NFIA: variants seen among roughly 807,000 people sequenced by gnomAD.
NFIA encodes the protein nuclear factor 1 A-type.
A neutral mutation model predicts 62.8 loss-of-function variants in NFIA; 8 were observed. That is an observed-to-expected ratio of 0.13 (90% CI 0.07 to 0.23). NFIA has a LOEUF of 0.23. Ranked by LOEUF, NFIA falls within the 10% of genes least tolerant of loss-of-function variation. The pLI, the probability that NFIA is intolerant of heterozygous loss-of-function variation, is 1.00. For missense variants in NFIA, 410 were observed against 642.1 expected, an observed-to-expected ratio of 0.64 and a Z score of 3.91; for synonymous variants, 235 against 238.1, an observed-to-expected ratio of 0.99 and a Z score of 0.12.
rs71582639 is a variant in NFIA at position 61,358,379 on chromosome 1, C to CTTTCTTTTTTTTTTTTTTTT, written c.819-765_819-764insCTTTTTTTTTTTTTTTTTTT. On this transcript the variant is annotated intron_variant, in intron 5 of 10. Transcript: ENST00000403491. ...TCATTTTCTTTTCTTTTCTTTCTTT[C>CTTTCTTTTTTTTTTTTTTTT]TTTTTTTTTTTTTTTTTTTTTTTTT... Among the ~76,000 whole-genome samples the CTTTCTTTTTTTTTTTTTTTT allele has an allele frequency of 4.9e-4, 26 of 52,622 alleles. 1 individual carries two copies. Among genetic ancestry groups the CTTTCTTTTTTTTTTTTTTTT allele is most frequent in the East Asian group, 1.3e-3 (2 of 1,546 alleles). 34.5% of individuals were successfully genotyped at this position (52,622 alleles called of 152,430 possible). A position where few individuals can be genotyped will look rare whatever the true frequency, so the allele number is the denominator to read the frequency against.
chr1:61,259,059 G>A (rs76930900), intron 2 of NFIA, among the ~76,000 whole-genome samples: 2 of 152,164 alleles, frequency 1.3e-5, no homozygotes, highest in Non-Finnish European at 2.9e-5. Context: ...TACAAAATTT[G>A]CAAAGAATTG....
rs974420950 is a variant in NFIA, at chr1:61,304,741, T to G, written c.625+27156T>G. On this transcript the variant is annotated intron_variant, in intron 3 of 10. Coordinates refer to ENST00000403491, the MANE Select transcript of NFIA (RefSeq NM_001134673.4). ...AAATTTTGTTTATAGTACATACAAA[T>G]GCTCCCTGAGATACCCAGCTGTATG... Among the ~76,000 whole-genome samples the G allele has an allele frequency of 1.8e-4, 27 of 152,056 alleles. 1 individual carries two copies. Among genetic ancestry groups the G allele is most frequent in the Non-Finnish European group, 1.5e-5 (1 of 68,004 alleles).
intron 2 of NFIA, among the ~76,000 whole-genome samples, chr1:61,182,928 CT>C (rs1650853272): frequency 6.6e-6 from 1 of 152,210 alleles, no homozygotes; most frequent in African/African-American, 2.4e-5. Flanking sequence ...AGGCTTTGCC[CT>C]GACAGCTACA....
chr1:61,212,925 G>A (rs1443308387), intron 2 of NFIA, among the ~76,000 whole-genome samples: 2 of 152,198 alleles, frequency 1.3e-5, no homozygotes, highest in African/African-American at 4.8e-5. Flanking sequence ...TTCTGCTAAT[G>A]TTGCCTTCAC....
chr1:61,180,193 GC>G (rs751677492), intron 2 of NFIA, among the ~76,000 whole-genome samples: 4 of 151,794 alleles, frequency 2.6e-5, no homozygotes, highest in Admixed American at 1.3e-4. Context: ...ACCCCAGTTA[GC>G]CCCTGGCTTG....
In NFIA at chr1:61,331,488, A is replaced by G. The variant is rs375966535; in HGVS notation, c.626-1024A>G. ...ACAAATTTTGTTTATGGATTGTTAT[A>G]TATTCAGATTGGTCTATTTTCTTTT... On this transcript the variant is annotated intron_variant, in intron 3 of 10. Transcript: ENST00000403491. Among the ~76,000 whole-genome samples the G allele has an allele frequency of 3.8e-4, 58 of 152,306 alleles. 1 individual carries two copies. The East Asian group carries it at 5.6e-3, about 15-fold the overall frequency.
At chr1:61,148,860 C>G (rs1165568959) in intron 2 of NFIA, among the ~76,000 whole-genome samples, 1 of 151,968 alleles carries the variant, frequency 6.6e-6, no homozygotes, top group East Asian at 1.9e-4. Context: ...GAAATTGAAC[C>G]ATTCTCTTTC....
intron 2 of NFIA, among the ~76,000 whole-genome samples, chr1:61,230,513 C>A (rs1654608270): frequency 6.6e-6 from 1 of 152,148 alleles, no homozygotes; most frequent in Admixed American, 6.5e-5. Flanking sequence ...TCCTATCCTA[C>A]CCTATGTTTC....
intron 2 of NFIA, among the ~76,000 whole-genome samples, chr1:61,116,379 G>A (rs1157261231): frequency 6.6e-6 from 1 of 152,328 alleles, no homozygotes; most frequent in East Asian, 1.9e-4. Flanking sequence ...GGCATAGAAA[G>A]TTTAGATGAC....
chr1:61,365,001 A>G (rs1663508285), intron 6 of NFIA, among the ~76,000 whole-genome samples: 1 of 152,132 alleles, frequency 6.6e-6, no homozygotes, highest in African/African-American at 2.4e-5. Flanking sequence ...CCTAAGTAAC[A>G]TAGCAGGACC....
chr1:61,180,567 G>C (rs568884110), intron 2 of NFIA, among the ~76,000 whole-genome samples: 5 of 152,174 alleles, frequency 3.3e-5, no homozygotes, highest in African/African-American at 1.2e-4. Flanking sequence ...GGCTTAGCTG[G>C]AATATATTGA....
intron 2 of NFIA, among the ~76,000 whole-genome samples, chr1:61,108,595 C>CT (rs995508806): frequency 1.3e-5 from 2 of 151,620 alleles, no homozygotes; most frequent in African/African-American, 4.8e-5. Flanking sequence ...GCACTGAGAT[C>CT]TGCAACTCAG....
chr1:61,096,436 T>A (rs932506979), intron 2 of NFIA, among the ~76,000 whole-genome samples: 2 of 152,036 alleles, frequency 1.3e-5, no homozygotes, highest in Non-Finnish European at 2.9e-5. Flanking sequence ...ACTCCTGGCC[T>A]CAGGTGTTCC....
At chr1:61,149,829 T>G (rs1439529893) in intron 2 of NFIA, among the ~76,000 whole-genome samples, 2 of 152,174 alleles carry the variant, frequency 1.3e-5, no homozygotes, top group African/African-American at 4.8e-5. Context: ...TATTAGATCT[T>G]CAGTAAATGG....
chr1:61,256,162 T>C (rs1408293979), intron 2 of NFIA, among the ~76,000 whole-genome samples: 1 of 152,158 alleles, frequency 6.6e-6, no homozygotes, highest in African/African-American at 2.4e-5. Context: ...GCATGGTGGC[T>C]CACGCCTGTA....
At chr1:61,236,173 G>C (rs1046956365) in intron 2 of NFIA, among the ~76,000 whole-genome samples, 1 of 151,602 alleles carries the variant, frequency 6.6e-6, no homozygotes, top group African/African-American at 2.4e-5. Flanking sequence ...AAAAAAAAAG[G>C]TGGAAAGAGA....
intron 6 of NFIA, among the ~76,000 whole-genome samples, chr1:61,370,882 A>T (rs931250479): frequency 2.0e-5 from 3 of 152,166 alleles, no homozygotes; most frequent in African/African-American, 7.2e-5. Flanking sequence ...TAAAGTTTTC[A>T]TTTGCGTAGC....
At chr1:61,178,871 A>G (rs942240334) in intron 2 of NFIA, among the ~76,000 whole-genome samples, 3 of 152,220 alleles carry the variant, frequency 2.0e-5, no homozygotes, top group Admixed American at 6.5e-5. Context: ...GTGAGGGCAT[A>G]TACTCAATAA....
rs575658453 is a variant in NFIA, at chr1:61,403,142, C to T, written c.1076-962C>T. ...AAAGGAAAGATAAATACTTTCATCT[C>T]CTCTAATTTGGGAGAGGTTTCTCTG... On this transcript the variant is annotated intron_variant, in intron 7 of 10. Transcript: ENST00000403491. Among the ~76,000 whole-genome samples the T allele has an allele frequency of 1.4e-4, 21 of 152,302 alleles. No individual in the cohort carries two copies. The East Asian group carries it at 4.0e-3, about 29-fold the overall frequency.
Sources: gnomAD v4.1 joint callset for allele counts (sites outside exome capture counted in the v4.1 genomes callset) on GRCh38, gnomAD v4.1.1 for gene constraint, MANE v1.5 for transcripts, NCBI Gene and HGNC (gene_info 2026-07-23, HGNC 2026-07-21) for gene names.